Variants in PCDHA2 observed in about 807,000 individuals in gnomAD.
PCDHA2 encodes protocadherin alpha 2, also known as protocadherin alpha-2.
A neutral mutation model predicts 66.0 loss-of-function variants in PCDHA2; 58 were observed. The observed-to-expected ratio is 0.88, with a 90% CI of 0.71 to 1.09. PCDHA2 has a LOEUF of 1.09. PCDHA2 is among the 50% of genes least tolerant of loss of function. PCDHA2 has a pLI of 0.00. For synonymous variants in PCDHA2, 634 were observed against 554.0 expected (o/e 1.14, Z -2.03); for missense variants, 1,267 against 1,242.3 (o/e 1.02, Z -0.30).
intron 1 of PCDHA2, chr5:140,810,936 T>A (rs1435717143): frequency 6.6e-6 from 1 of 152,230 alleles, no homozygotes; most frequent in Non-Finnish European, 1.5e-5. Context: ...ACATTACATC[T>A]ACAATCCATT....
intron 1 of PCDHA2, chr5:140,927,707 T>G (rs1224984801): frequency 6.2e-7 from 1 of 1,614,080 alleles, no homozygotes; most frequent in African/African-American, 1.3e-5. Flanking sequence ...CAGTACTCCC[T>G]AAGCAACAGC....
chr5:140,854,522 C>T (rs1554147313), intron 1 of PCDHA2: 1 of 149,908 alleles, frequency 6.7e-6, no homozygotes. Flanking sequence ...GATTAAGTGA[C>T]ACCCATTTCT....
chr5:140,949,976 TACTTA>T (rs2094437494), intron 1 of PCDHA2, among the ~76,000 whole-genome samples: 1 of 151,940 alleles, frequency 6.6e-6, no homozygotes, highest in Admixed American at 6.6e-5. Flanking sequence ...ACAGCATACA[TACTTA>T]ACTTTTCTCA....
chr5:140,810,525 G>C (rs1764675937), intron 1 of PCDHA2: 1 of 151,988 alleles, frequency 6.6e-6, no homozygotes, highest in Non-Finnish European at 1.5e-5. Context: ...CATTTTACTG[G>C]GTGACTTTTG....
intron 3 of PCDHA2, among the ~76,000 whole-genome samples, chr5:140,989,839 A>G (rs2097362613): frequency 6.6e-6 from 1 of 152,166 alleles, no homozygotes; most frequent in Admixed American, 6.5e-5. Context: ...CCTGTCAATG[A>G]GTGTGTGGAC....
At chr5:140,976,586 T>C (rs1029704575) in intron 1 of PCDHA2, among the ~76,000 whole-genome samples, 2 of 151,988 alleles carry the variant, frequency 1.3e-5, no homozygotes, top group Non-Finnish European at 2.9e-5. Flanking sequence ...AAACACAGAC[T>C]TTTGTGTTAA....
intron 1 of PCDHA2, chr5:140,858,163 G>A (rs756100804): frequency 1.3e-6 from 2 of 1,597,890 alleles, no homozygotes; most frequent in Non-Finnish European, 1.7e-6. Context: ...TCTGCGCGGT[G>A]TCCAGCTTGC....
chr5:140,915,677 A>C (rs1352514451), intron 1 of PCDHA2, among the ~76,000 whole-genome samples: 4 of 150,138 alleles, frequency 2.7e-5, no homozygotes, highest in African/African-American at 9.8e-5. Flanking sequence ...GCCATCTTGA[A>C]CTAGGGGTAT....
chr5:140,795,686 CT>C lies in PCDHA2; in HGVS notation c.726del (p.Phe242LeufsTer8). The stretch of plus-strand genomic sequence containing the variant: ...TTAGATGTAAATGACAATGAACCAA[CT>C]TTTGCCCAATCAGTTTACAAAGTAA... The part of the protein sequence containing the change: ...KVLDVNDNEP[T>X]FAQSVYKVKL... On this transcript the variant is annotated frameshift_variant, in exon 1 of 4. Coordinates refer to ENST00000526136, the MANE Select transcript of PCDHA2 (RefSeq NM_018905.3). LOFTEE classifies it high-confidence loss of function. 1 of 1,614,086 alleles carries C rather than the reference CT, an allele frequency of 6.2e-7. No homozygotes were observed.
chr5:140,876,774 G>T (rs370558767), intron 1 of PCDHA2: 28 of 1,614,110 alleles, frequency 1.7e-5, no homozygotes, highest in Non-Finnish European at 2.3e-5. Flanking sequence ...GCTCGCCTTC[G>T]CTGTGGGCCA....
intron 1 of PCDHA2, chr5:140,851,516 T>A: frequency 1.1e-6 from 1 of 906,322 alleles, no homozygotes; most frequent in African/African-American, 1.8e-5. Context: ...AAATATGTTT[T>A]AAAATGCCTG....
rs139625618 is a variant in PCDHA2 at position 141,008,025 on chromosome 5, T to C, written c.2537-1602T>C. 1.8e-3 allele frequency among the ~76,000 whole-genome samples: 273 copies of C among 152,354 alleles called. 1 individual carries two copies. Among genetic ancestry groups the C allele is most frequent in the Middle Eastern group, 6.8e-3 (2 of 294 alleles). Reference sequence around the variant, plus strand: ...TAAACTTCTGTTTCCTTTTTTTTCTTGTTAATCTGCCTTTTGTAACAGGGG... The same window carrying C: ...TAAACTTCTGTTTCCTTTTTTTTCTCGTTAATCTGCCTTTTGTAACAGGGG... On this transcript the variant is annotated intron_variant, in intron 3 of 3. Transcript: ENST00000526136.
At chr5:140,862,318 A>G in intron 1 of PCDHA2, 1 of 317,904 alleles carries the variant, frequency 3.1e-6, no homozygotes, top group South Asian at 2.8e-5. Context: ...TCATAGCCCT[A>G]ATCAGTGTAA....
At chr5:140,963,210 C>T (rs1200019403) in intron 1 of PCDHA2, among the ~76,000 whole-genome samples, 1 of 151,742 alleles carries the variant, frequency 6.6e-6, no homozygotes, top group East Asian at 1.9e-4. Flanking sequence ...AAAAAAACCT[C>T]GTGTTTAGAG....
At chr5:140,861,448 AC>A in intron 1 of PCDHA2, 2 of 493,166 alleles carry the variant, frequency 4.1e-6, no homozygotes, top group Non-Finnish European at 8.3e-6. Context: ...AGCCGCAGAA[AC>A]CTTCTGGAGG....
rs1304325749 is a variant in PCDHA2, at chr5:140,802,378, C to T, written c.2388+5026C>T. ...ACCTGCTCGCTGACGCCCCACGTCC[C>T]CTTCAAGCTGGTGTCCACCTTCAAG... On this transcript the variant is annotated intron_variant, in intron 1 of 3. Coordinates refer to ENST00000526136, the MANE Select transcript of PCDHA2 (RefSeq NM_018905.3). 5.0e-6 allele frequency: 8 copies of T among 1,614,142 alleles called. No individual in the cohort carries two copies. In the Admixed American group the frequency reaches 8.3e-5, roughly 17 times the overall value.
chr5:140,834,172 G>C (rs114972611), intron 1 of PCDHA2: 25 of 551,148 alleles, frequency 4.5e-5, no homozygotes, highest in Non-Finnish European at 5.7e-5. Flanking sequence ...TTACTTACAT[G>C]ATGGCCACAT....
rs782776948 is a variant in PCDHA2 at position 141,009,898 on chromosome 5, A to T, written c.2808A>T (p.Lys936Asn). The T allele has an allele frequency of 5.6e-6, 9 of 1,613,182 alleles. No individual in the cohort carries two copies. Among genetic ancestry groups the T allele is most frequent in the Admixed American group, 1.7e-5 (1 of 59,722 alleles). The change falls in exon 4 of 4, where the codon AAA (lysine) becomes AAT (asparagine). Residue 936 changes from lysine (K) to asparagine (N), a missense_variant. Physicochemically the swap from Lys to Asn is moderately conservative, Grantham distance 94 (BLOSUM62 0). Transcript: ENST00000526136. ...AGGGTAACAAGACCCAGGAGAAAAA[A>T]GAGAAAGGGAACAGCACGACTGACA... ...KKKGNKTQEK[K>N]EKGNSTTDNS...
chr5:140,797,183 T>C lies in PCDHA2; in HGVS notation c.2219T>C (p.Val740Ala). 1.2e-6 allele frequency: 2 copies of C among 1,614,114 alleles called. No individual in the cohort carries two copies. Among genetic ancestry groups the C allele is most frequent in the Non-Finnish European group, 1.7e-6 (2 of 1,180,018 alleles). ...CGCGCGCCAGGAAAGCCCACGCTGG[T>C]GTGCTCCAGCGCCGTGGGGAGCTGG... ...GARAPGKPTL[V>A]CSSAVGSWSY... The change falls in exon 1 of 4, where the codon GTG becomes GCG. Residue 740 changes from valine (V) to alanine (A), a missense_variant. Transcript: ENST00000526136.
Sources: allele counts gnomAD v4.1 joint callset (sites outside exome capture counted in the v4.1 genomes callset), GRCh38; gene constraint gnomAD v4.1.1; transcripts MANE v1.5; gene names NCBI Gene and HGNC (gene_info 2026-07-23, HGNC 2026-07-21).